Variants in TMEM63A observed in about 807,000 individuals in gnomAD.
The protein encoded by TMEM63A is mechanosensitive cation channel TMEM63A.
In TMEM63A, 76 loss-of-function variants were observed where a neutral mutation model predicts 100.6. The ratio of observed to expected loss-of-function variants is 0.76; its 90% CI spans 0.63 to 0.91. The LOEUF (loss-of-function observed/expected upper bound fraction) is 0.91. Among genes scored for constraint, TMEM63A ranks in the 40% least tolerant of loss-of-function variants. The probability of loss-of-function intolerance (pLI) is 0.00; values close to 1 mark genes in which losing one functional copy is unlikely to be tolerated. For synonymous variants in TMEM63A, 401 were observed against 401.1 expected (o/e 1.00, Z 0.00); for missense variants, 876 against 1,008.8 (o/e 0.87, Z 1.78).
In TMEM63A at chr1:225,846,907, G is replaced by C. The variant is rs942733596; in HGVS notation, c.*32C>G. The C allele has an allele frequency of 7.7e-5, 89 of 1,160,616 alleles. No homozygotes were observed. Among genetic ancestry groups the C allele is most frequent in the Non-Finnish European group, 9.4e-5 (80 of 852,980 alleles). 71.9% of individuals were successfully genotyped at this position (1,160,616 alleles called of 1,614,324 possible). Reference sequence around the variant, plus strand: ...AGGGCCTGAGCCCCAGGCCATTCTGGTTGTGTCTTTTCAGAGCAGTGAGAC... The same window carrying C: ...AGGGCCTGAGCCCCAGGCCATTCTGCTTGTGTCTTTTCAGAGCAGTGAGAC... On this transcript the variant is annotated 3_prime_UTR_variant, in exon 25 of 25. Coordinates refer to ENST00000366835, the MANE Select transcript of TMEM63A (RefSeq NM_014698.3).
At chr1:225,876,216 C>T (rs893846497) in intron 3 of TMEM63A, among the ~76,000 whole-genome samples, 1 of 151,880 alleles carries the variant, frequency 6.6e-6, no homozygotes, top group African/African-American at 2.4e-5. Context: ...GTACTCCTCA[C>T]CTTGGCCAAA....
intron 4 of TMEM63A, among the ~76,000 whole-genome samples, chr1:225,873,249 C>A (rs1427894689): frequency 6.6e-6 from 1 of 152,122 alleles, no homozygotes; most frequent in Non-Finnish European, 1.5e-5. Context: ...GTACATGGCC[C>A]CACTTCCAGC....
chr1:225,848,492 T>C lies in TMEM63A; in HGVS notation c.2250A>G (p.Thr750=). ...EAEAHMPPPF[T]PYVPRILNGL... ...TCAGAGGCTGAGGGGCACAGCTTAC[T>C]GTGAACGGTGGGGGCATGTGGGCCT... The change falls in exon 23 of 25, where the codon ACA becomes ACG. Residue 750 remains threonine (T), a splice_region_variant and synonymous_variant. Coordinates refer to ENST00000366835, the MANE Select transcript of TMEM63A (RefSeq NM_014698.3). 2 of 1,614,106 alleles carry C rather than the reference T, an allele frequency of 1.2e-6. No homozygotes were observed. Among genetic ancestry groups the C allele is most frequent in the East Asian group, 2.2e-5 (1 of 44,876 alleles).
intron 20 of TMEM63A, among the ~76,000 whole-genome samples, chr1:225,851,312 CAG>C (rs1483448261): frequency 1.3e-5 from 2 of 152,182 alleles, no homozygotes; most frequent in African/African-American, 2.4e-5. Flanking sequence ...CAGGAGCACA[CAG>C]GGGACCAACA....
chr1:225,865,883 C>G lies in TMEM63A; in HGVS notation c.746+14G>C, dbSNP rs1369246041. On this transcript the variant is annotated intron_variant, in intron 10 of 24. Coordinates refer to ENST00000366835, the MANE Select transcript of TMEM63A (RefSeq NM_014698.3). This position sits in a 1 kb window ranked among gnomAD's most constrained non-coding sequence, Gnocchi z 4.6. ...TGGAGGGGGCTCAGCTCCCCTCCCA[C>G]CCCACCTGCTTACCGGAAGTGGCTC... The G allele has an allele frequency of 1.9e-6, 3 of 1,613,396 alleles. No homozygotes were observed. The East Asian group carries it at 6.7e-5, about 36-fold the overall frequency.
intron 13 of TMEM63A, chr1:225,861,593 G>C (rs572666900): frequency 6.4e-6 from 1 of 155,336 alleles, no homozygotes; most frequent in East Asian, 1.9e-4. Flanking sequence ...CATTCCTAGT[G>C]TCACAATGCC....
Position 225,846,949 on chromosome 1 carries a change from G to C in TMEM63A, c.*7-17C>G. ...CAGTGAGACCTAAAACAGATGGGAA[G>C]AAGTCATGAACTTGGGAGTCAGGCC... is the stretch of plus-strand genomic sequence containing the variant. On this transcript the variant is annotated splice_polypyrimidine_tract_variant and intron_variant, in intron 24 of 24. Coordinates refer to ENST00000366835, the MANE Select transcript of TMEM63A (RefSeq NM_014698.3). The C allele has an allele frequency of 7.0e-7, 1 of 1,429,806 alleles. No homozygotes were observed. 88.6% of individuals were successfully genotyped at this position (1,429,806 alleles called of 1,614,324 possible).
Position 225,862,901 on chromosome 1 carries a change from A to C in TMEM63A, c.747-50T>G. 6.4e-7 allele frequency: 1 copy of C among 1,562,558 alleles called. No homozygotes were observed. Among genetic ancestry groups the C allele is most frequent in the Non-Finnish European group, 8.8e-7 (1 of 1,142,802 alleles). On this transcript the variant is annotated intron_variant, in intron 10 of 24. Transcript: ENST00000366835. This position sits in a 1 kb window ranked among gnomAD's most constrained non-coding sequence, Gnocchi z 5.1. ...AAAAGACACCGTTGGAAAAGAAAACACCCCAAGCAGGAGACGTGCCCACGG... is the reference window on the plus strand; with the variant it reads ...AAAAGACACCGTTGGAAAAGAAAACCCCCCAAGCAGGAGACGTGCCCACGG...
At position 225,848,940 on chromosome 1, in the gene TMEM63A, G is replaced by A. The variant is rs768932916; in HGVS notation, c.2144C>T (p.Thr715Ile). Reference sequence around the variant, plus strand: ...GAGGTGCTTGAAGCATCCAAAGCAGGTGTGAGCCAGGCAGACCAGGATGGT... The same window carrying A: ...GAGGTGCTTGAAGCATCCAAAGCAGATGTGAGCCAGGCAGACCAGGATGGT... ...LLTILVCLAH[T>I]CFGCFKHLSP... The change falls in exon 22 of 25, where the codon ACC (threonine) becomes ATC (isoleucine). Residue 715 changes from threonine to isoleucine, a missense_variant. By Grantham distance (89) the Thr-to-Ile change is moderately conservative. This residue lies in a region of TMEM63A where 339 missense variants were observed against 342.3 expected (regional missense o/e 0.99). Coordinates refer to ENST00000366835, the MANE Select transcript of TMEM63A (RefSeq NM_014698.3). 5 of 1,604,694 alleles carry A rather than the reference G, an allele frequency of 3.1e-6. No individual in the cohort carries two copies. In the Admixed American group the frequency reaches 6.9e-5, roughly 22 times the overall value.
intron 2 of TMEM63A, 99 bp from the exon 3 acceptor site, chr1:225,877,693 G>A (rs1670879817): frequency 4.9e-6 from 6 of 1,232,228 alleles, no homozygotes; most frequent in South Asian, 3.1e-5. Flanking sequence ...CGTTTCCCAG[G>A]GACTGATCGG....
downstream of TMEM63A, chr1:225,845,029 T>TAAA: frequency 9.1e-7 from 1 of 1,103,730 alleles, no homozygotes; most frequent in Non-Finnish European, 1.4e-6. Flanking sequence ...CTTTTCTTTA[T>TAAA]GGCTCCTTGT....
Position 225,853,974 on chromosome 1 carries a change from A to T in TMEM63A, c.1635-183T>A, listed in dbSNP as rs1331828582. 6.6e-6 allele frequency among the ~76,000 whole-genome samples: 1 copy of T among 152,168 alleles called. No individual in the cohort carries two copies. Among genetic ancestry groups the T allele is most frequent in the Non-Finnish European group, 1.5e-5 (1 of 68,026 alleles). Reference sequence around the variant, plus strand: ...CTTTCTAGGCACTGAGAATAGAACAAAGCCCCTGCGCCACTCTCTTGAAGT... The same window carrying T: ...CTTTCTAGGCACTGAGAATAGAACATAGCCCCTGCGCCACTCTCTTGAAGT... On this transcript the variant is annotated intron_variant, in intron 18 of 24. Coordinates refer to ENST00000366835, the MANE Select transcript of TMEM63A (RefSeq NM_014698.3). This position sits in a 1 kb window ranked among gnomAD's most constrained non-coding sequence, Gnocchi z 4.0.
intron 6 of TMEM63A, among the ~76,000 whole-genome samples, chr1:225,868,773 G>A (rs927401969): frequency 6.6e-5 from 10 of 151,846 alleles, no homozygotes; most frequent in Non-Finnish European, 1.0e-4. Flanking sequence ...CTCAGATGGA[G>A]ACCTGAGGTG....
chr1:225,851,364 T>C (rs1669330135), intron 20 of TMEM63A, among the ~76,000 whole-genome samples: 1 of 152,198 alleles, frequency 6.6e-6, no homozygotes, highest in South Asian at 2.1e-4. Context: ...CAGGTTCTTT[T>C]GTTTTTTTAT....
rs1447674296 is a variant in TMEM63A, at chr1:225,845,556, C to T, written c.*1383G>A. 3.3e-6 allele frequency: 2 copies of T among 614,444 alleles called. No individual in the cohort carries two copies. Among genetic ancestry groups the T allele is most frequent in the Non-Finnish European group, 5.7e-6 (2 of 349,766 alleles). The allele number at this position is 614,444 out of a possible 1,614,324, so 38.1% of individuals were successfully genotyped here. A position where few individuals can be genotyped will look rare whatever the true frequency, so the allele number is the denominator to read the frequency against. On this transcript the variant is annotated 3_prime_UTR_variant, in exon 25 of 25. Coordinates refer to ENST00000366835, the MANE Select transcript of TMEM63A (RefSeq NM_014698.3). ...ATGGCTTTGATGATAAACGACTTTA[C>T]TCTAAAAGCGGCTGGAACTCAGTGA...
intron 18 of TMEM63A, among the ~76,000 whole-genome samples, chr1:225,855,661 A>G (rs1669576845): frequency 6.6e-6 from 1 of 152,130 alleles, no homozygotes; most frequent in Non-Finnish European, 1.5e-5. Context: ...AATTAACCAC[A>G]TTTCTGCAAG....
intron 4 of TMEM63A, 66 bp downstream of exon 4, chr1:225,874,204 ACACGCACATATACACACT>A (rs946620282): frequency 3.6e-5 from 47 of 1,304,444 alleles, no homozygotes; most frequent in South Asian, 1.7e-4. Flanking sequence ...ATATATGCAC[ACACGCACATATACACACT>A]CACGCACATA....
At position 225,853,736 on chromosome 1, in the gene TMEM63A, C is replaced by A. The variant is rs1669471498; in HGVS notation, c.1690G>T (p.Ala564Ser). 1.9e-6 allele frequency: 3 copies of A among 1,605,598 alleles called. No homozygotes were observed. Among genetic ancestry groups the A allele is most frequent in the Middle Eastern group, 1.7e-4 (1 of 6,052 alleles). ...AGCTCCATGCCATTGCCGATGAAGG[C>A]CGAGGCGATGACATAGTTCACAAAG... ...AFFVNYVIAS[A>S]FIGNGMELLR... The change falls in exon 19 of 25, where the codon GCC becomes TCC. Residue 564 changes from alanine to serine, a missense_variant. Ala to Ser is a moderately conservative substitution (Grantham distance 99, BLOSUM62 1). Around this residue, in one of 5 missense-constraint regions of TMEM63A, gnomAD observed 339 missense variants for 342.3 expected, o/e 0.99. Coordinates refer to ENST00000366835, the MANE Select transcript of TMEM63A (RefSeq NM_014698.3). This position sits in a 1 kb window ranked among gnomAD's most constrained non-coding sequence, Gnocchi z 4.0.
At position 225,877,605 on chromosome 1, in the gene TMEM63A, G is replaced by A. The variant is rs777237764; in HGVS notation, c.-14-11C>T. 3.1e-6 allele frequency: 5 copies of A among 1,603,594 alleles called. No individual in the cohort carries two copies. The highest frequency in any genetic ancestry group is 3.4e-6 in the Non-Finnish European group (4 of 1,173,746). On this transcript the variant is annotated splice_polypyrimidine_tract_variant and intron_variant, in intron 2 of 24. Coordinates refer to ENST00000366835, the MANE Select transcript of TMEM63A (RefSeq NM_014698.3). ...TCGCGCCTGTCTTCCCTGGAGCACA[G>A]GACAACAGGACAAGGCAGACGTTCA...
Sources: gnomAD v4.1 joint callset for allele counts (sites outside exome capture counted in the v4.1 genomes callset) on GRCh38, gnomAD v4.1.1 for gene constraint, gnomAD v4.1.1 regional missense constraint, Gnocchi (gnomAD v3.1) non-coding constraint, MANE v1.5 for transcripts, NCBI Gene and HGNC (gene_info 2026-07-23, HGNC 2026-07-21) for gene names.